The following MAP3K20 variants were observed in gnomAD, a reference collection of about 807,000 sequenced individuals.
MAP3K20 encodes HCCS-4.
Under a neutral mutation model 85.7 loss-of-function variants are expected in MAP3K20, and 40 were observed. The observed-to-expected ratio is 0.47, with a 90% CI of 0.36 to 0.61. MAP3K20 has a LOEUF of 0.61. MAP3K20 is among the 20% of genes least tolerant of loss of function. The pLI is 0.00. For synonymous variants in MAP3K20, 325 were observed against 327.7 expected (o/e 0.99, Z 0.09); for missense variants, 817 against 961.7 (o/e 0.85, Z 1.99).
chr2:173,165,690 TAGAC>T (rs573380780), intron 2 of MAP3K20, among the ~76,000 whole-genome samples: 337 of 152,258 alleles, frequency 2.2e-3, no homozygotes, highest in African/African-American at 7.6e-3. Flanking sequence ...TTTGTTTATT[TAGAC>T]AGGGTCTCAC....
intron 9 of MAP3K20, among the ~76,000 whole-genome samples, chr2:173,209,274 C>T (rs2106302273): frequency 6.6e-6 from 1 of 152,180 alleles, no homozygotes; most frequent in African/African-American, 2.4e-5. Flanking sequence ...GATTTCCCCC[C>T]AACGCTTTAT....
chr2:173,247,224 G>A (rs563707964), intron 16 of MAP3K20, among the ~76,000 whole-genome samples: 3 of 152,194 alleles, frequency 2.0e-5, no homozygotes, highest in African/African-American at 7.2e-5. Context: ...CACTTGTATT[G>A]TGCTTTTAAG....
chr2:173,075,991 C>T lies in MAP3K20; in HGVS notation c.-46C>T, dbSNP rs1686837936. 4 of 984,794 alleles carry T rather than the reference C, an allele frequency of 4.1e-6. No homozygotes were observed. Among genetic ancestry groups the T allele is most frequent in the Non-Finnish European group, 3.6e-6 (3 of 829,730 alleles). The allele number at this position is 984,794 out of a possible 1,614,324, so 61.0% of individuals were successfully genotyped here. On this transcript the variant is annotated 5_prime_UTR_variant, in exon 1 of 20. Coordinates refer to ENST00000375213, the MANE Select transcript of MAP3K20 (RefSeq NM_016653.3). ...GCCCCCGGCTGCTGCTCACGCCCCG[C>T]CCGGGAGCCAGGTAGGGGTCAGGCT...
At position 173,171,628 on chromosome 2, in the gene MAP3K20, A is replaced by G. The variant is rs183929416; in HGVS notation, c.247+1736A>G. Reference sequence around the variant, plus strand: ...TGAAAGAGGGAGAAAGAATCCAGGAAGTTTTCTTCCATTCAGTATTTGTAT... The same window carrying G: ...TGAAAGAGGGAGAAAGAATCCAGGAGGTTTTCTTCCATTCAGTATTTGTAT... On this transcript the variant is annotated intron_variant, in intron 3 of 19. Coordinates refer to ENST00000375213, the MANE Select transcript of MAP3K20 (RefSeq NM_016653.3). Among the ~76,000 whole-genome samples, 6 of 152,294 alleles carry G rather than the reference A, an allele frequency of 3.9e-5. No individual in the cohort carries two copies. The East Asian group carries it at 1.2e-3, about 29-fold the overall frequency.
intron 16 of MAP3K20, among the ~76,000 whole-genome samples, chr2:173,247,067 C>A (rs1310490098): frequency 6.6e-6 from 1 of 152,174 alleles, no homozygotes; most frequent in African/African-American, 2.4e-5. Flanking sequence ...TCCTGCCCAG[C>A]CAACTCCCTC....
intron 2 of MAP3K20, among the ~76,000 whole-genome samples, chr2:173,108,835 A>G (rs906793362): frequency 1.3e-5 from 2 of 152,264 alleles, no homozygotes; most frequent in Non-Finnish European, 2.9e-5. Context: ...CAAATCAGCA[A>G]CAGTGAGCAC....
intron 19 of MAP3K20, among the ~76,000 whole-genome samples, chr2:173,265,367 G>C (rs1574172361): frequency 6.6e-6 from 1 of 152,202 alleles, no homozygotes; most frequent in Non-Finnish European, 1.5e-5. Flanking sequence ...AATGGTTCTT[G>C]TTAATTCACC....
At chr2:173,215,034 G>A (rs563154396) in intron 10 of MAP3K20, among the ~76,000 whole-genome samples, 566 of 152,308 alleles carry the variant, frequency 3.7e-3, no homozygotes, top group Middle Eastern at 0.01. Flanking sequence ...ACAGCTTTCC[G>A]TCCATTTAAC....
intron 2 of MAP3K20, among the ~76,000 whole-genome samples, chr2:173,108,992 C>A (rs1342810113): frequency 6.6e-6 from 1 of 152,184 alleles, no homozygotes; most frequent in Admixed American, 6.5e-5. Flanking sequence ...TTCAATCATG[C>A]AAAGTACCTT....
chr2:173,077,113 G>T (rs1686885572), intron 1 of MAP3K20, among the ~76,000 whole-genome samples: 1 of 152,146 alleles, frequency 6.6e-6, no homozygotes, highest in Non-Finnish European at 1.5e-5. Flanking sequence ...CTCGATACTG[G>T]TGTGTGAGAA....
chr2:173,168,228 GAGA>G (rs1055063187), intron 2 of MAP3K20, among the ~76,000 whole-genome samples: 3 of 152,034 alleles, frequency 2.0e-5, no homozygotes, highest in East Asian at 1.9e-4. Context: ...ACTAAACTAT[GAGA>G]AGAAGGTTGC....
At chr2:173,114,275 C>T (rs1574026085) in intron 2 of MAP3K20, among the ~76,000 whole-genome samples, 3 of 152,146 alleles carry the variant, frequency 2.0e-5, no homozygotes, top group African/African-American at 7.2e-5. Flanking sequence ...TATGTGAGTA[C>T]TTATGGGCTA....
chr2:173,260,668 C>T (rs938692248), intron 17 of MAP3K20, among the ~76,000 whole-genome samples: 1 of 152,204 alleles, frequency 6.6e-6, no homozygotes, highest in African/African-American at 2.4e-5. Flanking sequence ...AAACCAGCCA[C>T]GGCTTTACTC....
intron 2 of MAP3K20, 151 bp downstream of exon 2, chr2:173,091,341 C>A: frequency 1.4e-6 from 1 of 726,638 alleles, no homozygotes; most frequent in South Asian, 2.7e-5. Flanking sequence ...ATTCTGGGAG[C>A]CCCATAAATA....
chr2:173,172,330 GTTT>G, intron 3 of MAP3K20, among the ~76,000 whole-genome samples: 1 of 149,244 alleles, frequency 6.7e-6, no homozygotes, highest in Middle Eastern at 3.4e-3. Context: ...ATTTGAGGTA[GTTT>G]TTTTTTTTTT....
chr2:173,212,131 A>C (rs1035739620), intron 10 of MAP3K20: 8 of 152,130 alleles, frequency 5.3e-5, no homozygotes, highest in African/African-American at 1.9e-4. Context: ...GAGAATATAA[A>C]TATGTATGTT....
intron 3 of MAP3K20, among the ~76,000 whole-genome samples, chr2:173,178,998 A>ATG (rs1384008509): frequency 2.0e-5 from 3 of 152,206 alleles, no homozygotes; most frequent in African/African-American, 7.2e-5. Context: ...AAATCAGTCA[A>ATG]TGTAAGGTAC....
At chr2:173,224,260 T>C (rs1684327271) in intron 11 of MAP3K20, 3 of 985,246 alleles carry the variant, frequency 3.0e-6, no homozygotes. Flanking sequence ...AGGGGATCTT[T>C]GGGGCTAACT....
rs761075017 is a variant in MAP3K20 at position 173,209,851 on chromosome 2, A to G, written c.851+16A>G. ...CGGAGTGGAGGTGGGTAGCCCCGAC[A>G]GCAGGCCACAGCGTCTGGCTTTCAA... On this transcript the variant is annotated intron_variant, in intron 10 of 19. Coordinates refer to ENST00000375213, the MANE Select transcript of MAP3K20 (RefSeq NM_016653.3). 14 of 1,602,166 alleles carry G rather than the reference A, an allele frequency of 8.7e-6. No homozygotes were observed. Among genetic ancestry groups the G allele is most frequent in the Non-Finnish European group, 1.2e-5 (14 of 1,169,274 alleles).
Sources: gnomAD v4.1 joint callset for allele counts (sites outside exome capture counted in the v4.1 genomes callset) on GRCh38, gnomAD v4.1.1 for gene constraint, MANE v1.5 for transcripts, NCBI Gene and HGNC (gene_info 2026-07-23, HGNC 2026-07-21) for gene names.